NUDT1: variants seen among roughly 807,000 people sequenced by gnomAD.
NUDT1 encodes the protein oxidized purine nucleoside triphosphate hydrolase.
In NUDT1, 16 loss-of-function variants were observed where a neutral mutation model predicts 11.3. The ratio of observed to expected loss-of-function variants is 1.41; its 90% CI spans 0.96 to 2.15. The LOEUF is 2.15. Among genes scored for constraint, NUDT1 ranks in the 30% most tolerant of loss-of-function variants. The pLI is 0.00. For missense variants in NUDT1, 234 were observed against 208.4 expected (o/e 1.12, Z -0.76); for synonymous variants, 101 against 84.4 (o/e 1.20, Z -1.08).
chr7:2,246,264 G>A (rs967874414), intron 2 of NUDT1, among the ~76,000 whole-genome samples: 6 of 152,218 alleles, frequency 3.9e-5, no homozygotes, highest in African/African-American at 1.2e-4. Context: ...TGGAGCTCTC[G>A]TGTCATCTGG....
chr7:2,244,974 T>TG (rs1794715516), intron 2 of NUDT1, among the ~76,000 whole-genome samples: 1 of 152,122 alleles, frequency 6.6e-6, no homozygotes, highest in African/African-American at 2.4e-5. Flanking sequence ...GCGTGCTGAG[T>TG]GCGTGTTAGC....
At chr7:2,250,763 A>G in intron 3 of NUDT1, 66 bp from the exon 4 acceptor site, 1 of 1,605,958 alleles carries the variant, frequency 6.2e-7, no homozygotes, top group South Asian at 1.1e-5. Flanking sequence ...CGGCCAAAAA[A>G]AACATGTTTT....
chr7:2,250,397 C>T (rs1173081048), intron 3 of NUDT1, among the ~76,000 whole-genome samples: 6 of 152,118 alleles, frequency 3.9e-5, no homozygotes, highest in African/African-American at 9.7e-5. Context: ...CCCAGGAGTT[C>T]AAGACCAGTC....
At chr7:2,243,721 C>G (rs895556793) in intron 1 of NUDT1, among the ~76,000 whole-genome samples, 12 of 152,202 alleles carry the variant, frequency 7.9e-5, no homozygotes, top group African/African-American at 2.4e-5. Flanking sequence ...TACAGTGAAC[C>G]GCGATCACGC....
chr7:2,242,429 G>A, intron 1 of NUDT1, 173 bp downstream of exon 1: 2 of 506,642 alleles, frequency 3.9e-6, no homozygotes, highest in South Asian at 2.8e-5. Flanking sequence ...GACGAGGAGA[G>A]CGGGGCCGGG....
At position 2,242,327 on chromosome 7, in the gene NUDT1, A is replaced by G. The variant is rs1794576669; in HGVS notation, c.-13+71A>G. 22 of 668,284 alleles carry G rather than the reference A, an allele frequency of 3.3e-5. No individual in the cohort carries two copies. In the South Asian group the frequency reaches 4.4e-4, roughly 13 times the overall value. The allele number at this position is 668,284 out of a possible 1,614,324, so 41.4% of individuals were successfully genotyped here. A position where few individuals can be genotyped will look rare whatever the true frequency, so the allele number is the denominator to read the frequency against. On this transcript the variant is annotated intron_variant, in intron 1 of 3. Transcript: ENST00000356714. Reference sequence around the variant, plus strand: ...GAGGGGAGCCGGGCCAGCGGGCGGCAGGAGACTAGGGGAGCTGAGCCATGG... The same window carrying G: ...GAGGGGAGCCGGGCCAGCGGGCGGCGGGAGACTAGGGGAGCTGAGCCATGG...
Position 2,249,865 on chromosome 7 carries a change from A to G in NUDT1, c.161A>G (p.Gln54Arg). The G allele has an allele frequency of 6.2e-7, 1 of 1,613,518 alleles. No individual in the cohort carries two copies. The highest frequency in any genetic ancestry group is 8.5e-7 in the Non-Finnish European group (1 of 1,179,908). Reference sequence around the variant, plus strand: ...CCCACCTCTGCCCGCAGGGAGCTGCAGGAGGAGAGCGGTCTGACAGTGGAC... The same window carrying G: ...CCCACCTCTGCCCGCAGGGAGCTGCGGGAGGAGAGCGGTCTGACAGTGGAC... ...TIEDGARREL[Q>R]EESGLTVDAL... Residue 54 changes from glutamine (Q) to arginine (R), a missense_variant, in exon 3 of 4, where the codon CAG becomes CGG. Physicochemically the swap from Gln to Arg is conservative, Grantham distance 43. Transcript: ENST00000356714.
chr7:2,250,412 C>T (rs772551806), intron 3 of NUDT1, among the ~76,000 whole-genome samples: 1 of 151,928 alleles, frequency 6.6e-6, no homozygotes, highest in Non-Finnish European at 1.5e-5. Context: ...CCAGTCTGGG[C>T]AACACAGTGA....
At chr7:2,243,029 A>G (rs1303240470) in intron 1 of NUDT1, 1 of 717,228 alleles carries the variant, frequency 1.4e-6, no homozygotes. Flanking sequence ...GGGGAGCCAG[A>G]AGGCAGTTGG....
At chr7:2,246,804 CG>C (rs1237672824) in intron 2 of NUDT1, among the ~76,000 whole-genome samples, 4 of 152,090 alleles carry the variant, frequency 2.6e-5, no homozygotes, top group Admixed American at 2.6e-4. Context: ...AACCTGGAGA[CG>C]GGGGTTTCAC....
chr7:2,244,760 C>T (rs1483998362), intron 2 of NUDT1, 34 bp downstream of exon 2: 1 of 1,588,868 alleles, frequency 6.3e-7, no homozygotes, highest in Non-Finnish European at 8.6e-7. Flanking sequence ...ATAGAACCGG[C>T]TTTCCCAGGG....
intron 1 of NUDT1, among the ~76,000 whole-genome samples, chr7:2,244,166 T>G (rs1397856807): frequency 2.0e-5 from 3 of 152,232 alleles, no homozygotes; most frequent in Non-Finnish European, 4.4e-5. Context: ...GTGGTTATTT[T>G]GGTGCCAATC....
chr7:2,243,544 G>T (rs1303027126), intron 1 of NUDT1, among the ~76,000 whole-genome samples: 1 of 152,130 alleles, frequency 6.6e-6, no homozygotes, highest in Non-Finnish European at 1.5e-5. Flanking sequence ...AGGCTGAGGT[G>T]GGTGGATCGC....
In NUDT1 at chr7:2,251,050, C is replaced by T. The variant is rs1062492; in HGVS notation, c.*49C>T. The T allele has an allele frequency of 0.17, 275,691 of 1,591,936 alleles. 25,184 individuals carry two copies. Among genetic ancestry groups the T allele is most frequent in the Middle Eastern group, 0.26 (1,470 of 5,654 alleles). ...GCAGGAGACGTGGCTGCTGAACAGC[C>T]GCAAACCATCTTCACCTGGGGGCAT... On this transcript the variant is annotated 3_prime_UTR_variant, in exon 4 of 4. Transcript: ENST00000356714.
At chr7:2,242,781 G>A (rs35773002) in intron 1 of NUDT1, 37,790 of 596,466 alleles carry the variant, frequency 0.063, 2,893 homozygotes, top group African/African-American at 0.28. Flanking sequence ...GCAGTGTCTA[G>A]GGGTGAATGT....
At chr7:2,245,751 G>A (rs1033579110) in intron 2 of NUDT1, among the ~76,000 whole-genome samples, 53 of 151,864 alleles carry the variant, frequency 3.5e-4, no homozygotes, top group African/African-American at 9.9e-4. Flanking sequence ...TAGAGATGGT[G>A]TCTCATTAAC....
chr7:2,246,917 G>A (rs753915167), intron 2 of NUDT1, among the ~76,000 whole-genome samples: 17 of 152,118 alleles, frequency 1.1e-4, no homozygotes, highest in Non-Finnish European at 2.2e-4. Flanking sequence ...GTGCCCAGCC[G>A]AGACCCTGTC....
chr7:2,251,127 A>C lies in NUDT1; in HGVS notation c.*126A>C, dbSNP rs1174541681. The C allele has an allele frequency of 1.0e-6, 1 of 1,003,350 alleles. No homozygotes were observed. The highest frequency in any genetic ancestry group is 1.6e-5 in the African/African-American group (1 of 62,196). 62.2% of individuals were successfully genotyped at this position (1,003,350 alleles called of 1,614,324 possible). On this transcript the variant is annotated 3_prime_UTR_variant, in exon 4 of 4. Coordinates refer to ENST00000356714, the MANE Select transcript of NUDT1 (RefSeq NM_002452.4). ...TGGAATTAACTGGATGGAAGGGAAA[A>C]TAAAGCTATCTAGCGGTGGTTTTTT...
At position 2,249,949 on chromosome 7, in the gene NUDT1, A is replaced by T; in HGVS notation, c.245A>T (p.Asp82Val). Residue 82 changes from aspartate to valine, a missense_variant, in exon 3 of 4, where the codon GAC (aspartate) becomes GTC (valine). Coordinates refer to ENST00000356714, the MANE Select transcript of NUDT1 (RefSeq NM_002452.4). ...FEFVGEPELM[D>V]VHVFCTDSIQ... ...TTCGTGGGCGAGCCTGAGCTCATGG[A>T]CGTGCATGTCTTCTGCACAGACAGC... is the stretch of plus-strand genomic sequence containing the variant. 1 of 1,614,190 alleles carries T rather than the reference A, an allele frequency of 6.2e-7. No homozygotes were observed. The highest frequency in any genetic ancestry group is 1.1e-5 in the South Asian group (1 of 91,088).
Sources: allele counts gnomAD v4.1 joint callset (sites outside exome capture counted in the v4.1 genomes callset), GRCh38; gene constraint gnomAD v4.1.1; transcripts MANE v1.5; gene names NCBI Gene and HGNC (gene_info 2026-07-23, HGNC 2026-07-21).